NEGR1: variants seen among roughly 807,000 people sequenced by gnomAD.
NEGR1 encodes IgLON family member 4.
NEGR1 carries 10 observed loss-of-function variants against 40.9 expected under a neutral mutation model. That is an observed-to-expected ratio of 0.24 (90% CI 0.15 to 0.42). NEGR1 has a LOEUF of 0.42. Ranked by LOEUF, NEGR1 falls within the 10% of genes least tolerant of loss-of-function variation. NEGR1 has a pLI of 1.00. For missense variants in NEGR1, 352 were observed against 438.9 expected (o/e 0.80, Z 1.77); for synonymous variants, 185 against 166.8 (o/e 1.11, Z -0.84).
chr1:71,790,229 A>G (rs1048420139), intron 2 of NEGR1, among the ~76,000 whole-genome samples: 3 of 152,134 alleles, frequency 2.0e-5, no homozygotes, highest in African/African-American at 7.2e-5. Context: ...ATGCCACTAC[A>G]ACTTGTATTG....
chr1:71,955,015 T>C (rs1212848679), intron 1 of NEGR1, among the ~76,000 whole-genome samples: 3 of 152,162 alleles, frequency 2.0e-5, no homozygotes, highest in Non-Finnish European at 4.4e-5. Context: ...AATTAATAGT[T>C]TAAAGCAACA....
At position 71,780,002 on chromosome 1, in the gene NEGR1, C is replaced by T. The variant is rs143106041; in HGVS notation, c.410-3705G>A. Among the ~76,000 whole-genome samples, 30 of 134,844 alleles carry T rather than the reference C, an allele frequency of 2.2e-4. No individual in the cohort carries two copies. In the East Asian group the frequency reaches 6.6e-3, roughly 30 times the overall value. 88.5% of individuals were successfully genotyped at this position (134,844 alleles called of 152,430 possible). ...GGTATAGAGAAGGGTTTTGGATGGT[C>T]CCAGGGCGCATCGTGCTAAGCACTT... On this transcript the variant is annotated intron_variant, in intron 2 of 6. Transcript: ENST00000357731.
At chr1:71,678,520 T>C (rs1009076492) in intron 4 of NEGR1, among the ~76,000 whole-genome samples, 8 of 152,168 alleles carry the variant, frequency 5.3e-5, no homozygotes, top group Admixed American at 2.6e-4. Flanking sequence ...CATTTAATAA[T>C]ATTCCCTTAC....
At chr1:72,100,125 C>T (rs1409897076) in intron 1 of NEGR1, among the ~76,000 whole-genome samples, 1 of 152,082 alleles carries the variant, frequency 6.6e-6, no homozygotes, top group Non-Finnish European at 1.5e-5. Flanking sequence ...TAAATTCTGT[C>T]TGATTGATTT....
At chr1:71,625,733 G>A (rs567188049) in intron 4 of NEGR1, among the ~76,000 whole-genome samples, 28 of 151,564 alleles carry the variant, frequency 1.8e-4, no homozygotes, top group African/African-American at 4.8e-4. Flanking sequence ...TAAGGCAGGC[G>A]TCCCCAAGCC....
At chr1:71,443,872 T>C (rs549968448) in intron 6 of NEGR1, among the ~76,000 whole-genome samples, 75 of 152,322 alleles carry the variant, frequency 4.9e-4, no homozygotes, top group Non-Finnish European at 8.4e-4. Context: ...ATTTTCTAGA[T>C]TTTTCATTAG....
intron 3 of NEGR1, among the ~76,000 whole-genome samples, chr1:71,769,870 G>A (rs769150256): frequency 1.3e-5 from 2 of 152,112 alleles, no homozygotes; most frequent in Non-Finnish European, 2.9e-5. Flanking sequence ...GTCCAATGTT[G>A]CATACTATTC....
rs1653113904 is a variant in NEGR1, at chr1:71,688,329, G to GTATATATAT, written c.667+9678_667+9679insATATATATA. Among the ~76,000 whole-genome samples the GTATATATAT allele has an allele frequency of 2.9e-5, 2 of 68,466 alleles. 1 individual carries two copies. The highest frequency in any genetic ancestry group is 5.2e-5 in the Non-Finnish European group (2 of 38,404). 44.9% of individuals were successfully genotyped at this position (68,466 alleles called of 152,430 possible). On this transcript the variant is annotated intron_variant, in intron 4 of 6. Coordinates refer to ENST00000357731, the MANE Select transcript of NEGR1 (RefSeq NM_173808.3). ...CTTTTCATATATATATATATATATAGATAGATAGATAGATAGATAGATAGA... is the reference window on the plus strand; with the variant it reads ...CTTTTCATATATATATATATATATAGTATATATATATAGATAGATAGATAGATAGATAGA...
At chr1:71,644,175 CT>C (rs1408043835) in intron 4 of NEGR1, among the ~76,000 whole-genome samples, 1 of 151,844 alleles carries the variant, frequency 6.6e-6, no homozygotes, top group Non-Finnish European at 1.5e-5. Context: ...CTCTTCTATT[CT>C]TTATTTGATT....
At chr1:72,074,920 T>C (rs1647655574) in intron 1 of NEGR1, among the ~76,000 whole-genome samples, 1 of 152,062 alleles carries the variant, frequency 6.6e-6, no homozygotes, top group Non-Finnish European at 1.5e-5. Context: ...TATAAATAGG[T>C]GGGAATCGTT....
In NEGR1 at chr1:71,434,858, A is replaced by G. The variant is rs369528235; in HGVS notation, c.941-27288T>C. Reference sequence around the variant, plus strand: ...TGTAATCCCAGCACTTTGGGAGGCCAAGGCGGGCGGATCACGAGGTCAGGA... The same window carrying G: ...TGTAATCCCAGCACTTTGGGAGGCCGAGGCGGGCGGATCACGAGGTCAGGA... On this transcript the variant is annotated intron_variant, in intron 6 of 6. Transcript: ENST00000357731. Among the ~76,000 whole-genome samples, 555 of 152,272 alleles carry G rather than the reference A, an allele frequency of 3.6e-3. 1 individual carries two copies. Among genetic ancestry groups the G allele is most frequent in the African/African-American group, 7.4e-3 (308 of 41,556 alleles).
chr1:71,643,350 T>C (rs560176936), intron 4 of NEGR1, among the ~76,000 whole-genome samples: 2 of 152,058 alleles, frequency 1.3e-5, no homozygotes, highest in African/African-American at 2.4e-5. Flanking sequence ...ATTGGTGATA[T>C]AGTGATTGTG....
chr1:72,020,051 T>G (rs1382751425), intron 1 of NEGR1, among the ~76,000 whole-genome samples: 1 of 152,226 alleles, frequency 6.6e-6, no homozygotes, highest in Non-Finnish European at 1.5e-5. Flanking sequence ...CTTCTAAAAT[T>G]ACTTCTGAGT....
chr1:72,048,425 C>T (rs555639962), intron 1 of NEGR1, among the ~76,000 whole-genome samples: 1 of 151,576 alleles, frequency 6.6e-6, no homozygotes, highest in Non-Finnish European at 1.5e-5. Flanking sequence ...TGCCCCTTTT[C>T]TATCTTGTTC....
intron 2 of NEGR1, among the ~76,000 whole-genome samples, chr1:71,926,288 C>G (rs1015166594): frequency 7.3e-5 from 11 of 151,642 alleles, no homozygotes; most frequent in Non-Finnish European, 1.6e-4. Flanking sequence ...TCTTATATAT[C>G]CTATTCCCAG....
At chr1:72,270,135 A>C (rs1485293061) in intron 1 of NEGR1, among the ~76,000 whole-genome samples, 1 of 151,822 alleles carries the variant, frequency 6.6e-6, no homozygotes, top group East Asian at 1.9e-4. Flanking sequence ...CACCTGGGTC[A>C]AGTTACCTTC....
rs2101319893 is a variant in NEGR1, at chr1:71,445,627, G to A, written c.941-38057C>T. On this transcript the variant is annotated intron_variant, in intron 6 of 6. Coordinates refer to ENST00000357731, the MANE Select transcript of NEGR1 (RefSeq NM_173808.3). ...CAAAAAAACTTCAATCTAAACTGCAGACACCTGAGAGGAAATCAATTTATG... is the reference window on the plus strand; with the variant it reads ...CAAAAAAACTTCAATCTAAACTGCAAACACCTGAGAGGAAATCAATTTATG... Among the ~76,000 whole-genome samples the A allele has an allele frequency of 1.3e-5, 2 of 152,244 alleles. 1 individual carries two copies. The highest frequency in any genetic ancestry group is 4.1e-4 in the South Asian group (2 of 4,828).
At chr1:71,430,169 G>GT (rs1646456538) in intron 6 of NEGR1, among the ~76,000 whole-genome samples, 1 of 152,114 alleles carries the variant, frequency 6.6e-6, no homozygotes, top group African/African-American at 2.4e-5. Context: ...TTGAACTTTT[G>GT]TTTCTGTTTG....
intron 6 of NEGR1, among the ~76,000 whole-genome samples, chr1:71,577,350 T>C (rs1045469645): frequency 9.9e-5 from 15 of 152,178 alleles, no homozygotes; most frequent in African/African-American, 3.6e-4. Context: ...CACGCTATAA[T>C]TTTATAGCTT....
Sources: gnomAD v4.1 joint callset for allele counts (sites outside exome capture counted in the v4.1 genomes callset) on GRCh38, gnomAD v4.1.1 for gene constraint, MANE v1.5 for transcripts, NCBI Gene and HGNC (gene_info 2026-07-23, HGNC 2026-07-21) for gene names.